Variants in SHISA9 observed in about 807,000 individuals in gnomAD.
SHISA9 encodes the protein protein shisa-9.
In SHISA9, 13 loss-of-function variants were observed where a neutral mutation model predicts 38.0. The ratio of observed to expected loss-of-function variants is 0.34; its 90% CI spans 0.22 to 0.54. The LOEUF (loss-of-function observed/expected upper bound fraction) is 0.54. Among genes scored for constraint, SHISA9 ranks in the 20% least tolerant of loss-of-function variants. SHISA9 has a pLI of 0.91. For synonymous variants in SHISA9, 275 were observed against 242.0 expected, an observed-to-expected ratio of 1.14 and a Z score of -1.27; for missense variants, 538 against 575.8, an observed-to-expected ratio of 0.93 and a Z score of 0.67.
chr16:13,083,029 G>A (rs2073670530), intron 2 of SHISA9, among the ~76,000 whole-genome samples: 1 of 152,206 alleles, frequency 6.6e-6, no homozygotes, highest in African/African-American at 2.4e-5. Context: ...ACTGCCATGT[G>A]TGTTTGTGCA....
intron 3 of SHISA9, among the ~76,000 whole-genome samples, chr16:13,212,868 A>G (rs1042522147): frequency 9.8e-5 from 15 of 152,350 alleles, no homozygotes; most frequent in South Asian, 4.1e-4. Flanking sequence ...TCTTGTCATC[A>G]GAGTGTAGTC....
At chr16:13,116,556 G>C (rs1271698596) in intron 2 of SHISA9, among the ~76,000 whole-genome samples, 2 of 152,174 alleles carry the variant, frequency 1.3e-5, no homozygotes, top group African/African-American at 4.8e-5. Context: ...GGAGCTAGTT[G>C]CTATGTTCTG....
At chr16:13,550,769 G>A in the SHISA9 span, among the ~76,000 whole-genome samples, 1 of 152,204 alleles carries the variant, frequency 6.6e-6, no homozygotes, top group Non-Finnish European at 1.5e-5. Flanking sequence ...CAGTTTACAT[G>A]TCTCTGTCCC....
At chr16:13,398,605 G>A in the SHISA9 span, among the ~76,000 whole-genome samples, 8 of 150,734 alleles carry the variant, frequency 5.3e-5, no homozygotes, top group African/African-American at 1.2e-4. Flanking sequence ...CCCCACCTCC[G>A]GTTCGAGCGA....
chr16:13,322,927 T>C, the SHISA9 span, among the ~76,000 whole-genome samples: 1 of 152,152 alleles, frequency 6.6e-6, no homozygotes. Context: ...TGTGTCTGGA[T>C]TCATGTCACG....
chr16:13,351,708 T>C, the SHISA9 span, among the ~76,000 whole-genome samples: 1 of 152,260 alleles, frequency 6.6e-6, no homozygotes, highest in Non-Finnish European at 1.5e-5. Context: ...GATCTGTCTC[T>C]ATATCTGCAA....
At chr16:13,260,017 T>C in the SHISA9 span, among the ~76,000 whole-genome samples, 2 of 110,810 alleles carry the variant, frequency 1.8e-5, no homozygotes, top group African/African-American at 3.5e-5. Flanking sequence ...CTTTTTTTTT[T>C]TTTTTTTTTT....
the SHISA9 span, among the ~76,000 whole-genome samples, chr16:13,251,009 T>C: frequency 6.6e-6 from 1 of 152,174 alleles, no homozygotes; most frequent in Non-Finnish European, 1.5e-5. Flanking sequence ...CAATACTCTA[T>C]GTGACCCTTA....
chr16:13,130,473 T>C (rs1034829929), intron 2 of SHISA9, among the ~76,000 whole-genome samples: 4 of 152,188 alleles, frequency 2.6e-5, no homozygotes, highest in African/African-American at 9.7e-5. Flanking sequence ...TCCCTATCAT[T>C]TAATATTGAT....
At chr16:13,448,706 A>C in the SHISA9 span, among the ~76,000 whole-genome samples, 1 of 152,238 alleles carries the variant, frequency 6.6e-6, no homozygotes, top group Non-Finnish European at 1.5e-5. Flanking sequence ...ATATCACAGG[A>C]AAATAAGCCA....
the SHISA9 span, among the ~76,000 whole-genome samples, chr16:13,262,662 AAGGAAGGAAGGGAGGG>A: frequency 3.8e-5 from 2 of 52,446 alleles, no homozygotes; most frequent in South Asian, 7.1e-4. Context: ...GGAAGGAAGG[AAGGAAGGAAGGGAGGG>A]AGGAAGGAAG....
At chr16:13,002,437 T>C (rs1008387267) in intron 2 of SHISA9, among the ~76,000 whole-genome samples, 7 of 152,086 alleles carry the variant, frequency 4.6e-5, no homozygotes, top group African/African-American at 7.2e-5. Flanking sequence ...AAGTTAAGTC[T>C]CATAACCAGT....
the SHISA9 span, among the ~76,000 whole-genome samples, chr16:13,453,274 A>G: frequency 6.6e-6 from 1 of 152,202 alleles, no homozygotes; most frequent in South Asian, 2.1e-4. Flanking sequence ...TCCTTATTGC[A>G]AACTTTGGGA....
chr16:13,383,120 A>G, the SHISA9 span, among the ~76,000 whole-genome samples: 779 of 152,330 alleles, frequency 5.1e-3, 3 homozygotes, highest in Non-Finnish European at 7.5e-3. Flanking sequence ...CAAATAGGTC[A>G]AGCGATACAA....
chr16:13,468,929 T>G, the SHISA9 span, among the ~76,000 whole-genome samples: 1 of 151,506 alleles, frequency 6.6e-6, no homozygotes, highest in South Asian at 2.1e-4. Context: ...ATATGTGTTG[T>G]TATATATATA....
At chr16:13,175,917 A>G (rs1399776800) in intron 2 of SHISA9, among the ~76,000 whole-genome samples, 2 of 152,202 alleles carry the variant, frequency 1.3e-5, no homozygotes, top group African/African-American at 4.8e-5. Context: ...CCAGAGGGCT[A>G]TTGAGTTGGC....
At chr16:13,429,854 T>C in the SHISA9 span, among the ~76,000 whole-genome samples, 1 of 152,198 alleles carries the variant, frequency 6.6e-6, no homozygotes, top group African/African-American at 2.4e-5. Context: ...ATAGCGACAA[T>C]GTCCTTGTTA....
At chr16:13,019,839 C>CTTTCTTT (rs1567183902) in intron 2 of SHISA9, among the ~76,000 whole-genome samples, 4 of 48,590 alleles carry the variant, frequency 8.2e-5, no homozygotes, top group Admixed American at 2.4e-4. Context: ...TTTCTTTTTC[C>CTTTCTTT]TTCCTTCCCT....
chr16:13,266,469 A>G, the SHISA9 span, among the ~76,000 whole-genome samples: 1 of 152,118 alleles, frequency 6.6e-6, no homozygotes, highest in Admixed American at 6.6e-5. Flanking sequence ...TCCCACCATG[A>G]GGATTGTCCA....
Sources: allele counts gnomAD v4.1 joint callset (sites outside exome capture counted in the v4.1 genomes callset), GRCh38; gene constraint gnomAD v4.1.1; transcripts MANE v1.5; gene names NCBI Gene and HGNC (gene_info 2026-07-23, HGNC 2026-07-21).